Variants in UGT1A8 observed in about 807,000 individuals in gnomAD.
UGT1A8 encodes UDP glucuronosyltransferase family 1 member A8.
A neutral mutation model predicts 45.3 loss-of-function variants in UGT1A8; 39 were observed. The observed-to-expected ratio is 0.86, with a 90% CI of 0.67 to 1.12. The LOEUF (loss-of-function observed/expected upper bound fraction) is 1.12, where lower values mean the gene tolerates loss of function less well. UGT1A8 is among the 50% of genes most tolerant of loss of function. The pLI is 0.00. For synonymous variants in UGT1A8, 275 were observed against 249.2 expected, an observed-to-expected ratio of 1.10 and a Z score of -0.97; for missense variants, 719 against 664.9, an observed-to-expected ratio of 1.08 and a Z score of -0.90.
chr2:233,622,135 G>A (rs1040505161), intron 1 of UGT1A8, among the ~76,000 whole-genome samples: 1 of 152,140 alleles, frequency 6.6e-6, no homozygotes, highest in African/African-American at 2.4e-5. Context: ...TATCATTGAT[G>A]AACATTTCGG....
intron 1 of UGT1A8, chr2:233,692,833 A>T: frequency 6.9e-7 from 1 of 1,445,682 alleles, no homozygotes; most frequent in East Asian, 2.5e-5. Context: ...TGTGATTAAA[A>T]TGGTTAAATA....
intron 1 of UGT1A8, among the ~76,000 whole-genome samples, chr2:233,758,259 G>T (rs1163749283): frequency 6.6e-6 from 1 of 152,184 alleles, no homozygotes; most frequent in Non-Finnish European, 1.5e-5. Context: ...AGATTAGTAA[G>T]TATTTCTTGG....
intron 1 of UGT1A8, among the ~76,000 whole-genome samples, chr2:233,640,588 G>A (rs2073424988): frequency 6.6e-6 from 1 of 152,116 alleles, no homozygotes. Flanking sequence ...GGTCAATTGA[G>A]TAAGTTCCAA....
At chr2:233,620,897 C>T (rs2072992112) in intron 1 of UGT1A8, among the ~76,000 whole-genome samples, 1 of 152,144 alleles carries the variant, frequency 6.6e-6, no homozygotes, top group African/African-American at 2.4e-5. Flanking sequence ...AAACAAGATT[C>T]AGAGTGTGAG....
chr2:233,620,072 T>G (rs897716476), intron 1 of UGT1A8, among the ~76,000 whole-genome samples: 2 of 152,224 alleles, frequency 1.3e-5, no homozygotes, highest in Non-Finnish European at 2.9e-5. Flanking sequence ...TTTTGTCTAT[T>G]GTTCTGGCTT....
intron 1 of UGT1A8, among the ~76,000 whole-genome samples, chr2:233,666,681 A>G (rs1267298689): frequency 3.3e-5 from 5 of 151,666 alleles, no homozygotes; most frequent in African/African-American, 9.7e-5. Flanking sequence ...TAAGTTTTAG[A>G]GTACATGTGC....
chr2:233,729,418 C>A, intron 1 of UGT1A8: 1 of 1,613,756 alleles, frequency 6.2e-7, no homozygotes, highest in Middle Eastern at 1.6e-4. Context: ...GGGCCACACT[C>A]AACTGTACTT....
At chr2:233,747,911 C>A (rs1693810314) in intron 1 of UGT1A8, 1 of 1,613,394 alleles carries the variant, frequency 6.2e-7, no homozygotes, top group Non-Finnish European at 8.5e-7. Flanking sequence ...CTTATGCAAG[C>A]CTTGCCTCTG....
intron 1 of UGT1A8, among the ~76,000 whole-genome samples, chr2:233,639,208 G>A (rs556737900): frequency 1.3e-5 from 2 of 152,166 alleles, no homozygotes; most frequent in South Asian, 4.1e-4. Context: ...TATCTTTTAT[G>A]AGATATGAAA....
chr2:233,741,302 A>G (rs1379292322), intron 1 of UGT1A8, among the ~76,000 whole-genome samples: 1 of 151,744 alleles, frequency 6.6e-6, no homozygotes, highest in Non-Finnish European at 1.5e-5. Context: ...AATTGTGTAG[A>G]TACACACCAA....
chr2:233,731,410 T>C (rs2078155663), intron 1 of UGT1A8, among the ~76,000 whole-genome samples: 1 of 152,132 alleles, frequency 6.6e-6, no homozygotes. Flanking sequence ...ACATTAGGTA[T>C]TTTTCCTAAT....
In UGT1A8 at chr2:233,649,115, G is replaced by A. The variant is rs1349401511; in HGVS notation, c.855+30553G>A. 4.1e-6 allele frequency: 3 copies of A among 736,036 alleles called. No individual in the cohort carries two copies. The African/African-American group carries it at 5.5e-5, about 13-fold the overall frequency. The allele number at this position is 736,036 out of a possible 1,614,324, so 45.6% of individuals were successfully genotyped here. On this transcript the variant is annotated intron_variant, in intron 1 of 4. Transcript: ENST00000373450. ...TACGGAACTGGGATTTGACATTTGT[G>A]TTTGTTGCATCTAAAATTTCTTTTC...
At position 233,665,709 on chromosome 2, in the gene UGT1A8, G is replaced by C. The variant is rs568262282; in HGVS notation, c.855+47147G>C. Among the ~76,000 whole-genome samples, 4 of 152,270 alleles carry C rather than the reference G, an allele frequency of 2.6e-5. No homozygotes were observed. The South Asian group carries it at 8.3e-4, about 32-fold the overall frequency. On this transcript the variant is annotated intron_variant, in intron 1 of 4. Transcript: ENST00000373450. ...AGGTGCACTGCATCCCTACCAGATA[G>C]GGATTTTTAAGATGCAAAAATATAA...
At chr2:233,724,549 A>G (rs2077280351) in intron 1 of UGT1A8, among the ~76,000 whole-genome samples, 1 of 120,476 alleles carries the variant, frequency 8.3e-6, no homozygotes, top group Non-Finnish European at 1.7e-5. Flanking sequence ...GGCGCTCCTC[A>G]CATCCCAGAT....
Position 233,719,317 on chromosome 2 carries a change from C to T in UGT1A8, c.856-47717C>T, listed in dbSNP as rs149079663. 5.0e-5 allele frequency: 81 copies of T among 1,613,916 alleles called. No individual in the cohort carries two copies. In the Admixed American group the frequency reaches 5.2e-4, roughly 10 times the overall value. ...GGGGCGGTGCTGGCTAAGTACCTGT[C>T]GATTCCTGCTGTGTTTTTTTGGAGG... On this transcript the variant is annotated intron_variant, in intron 1 of 4. Transcript: ENST00000373450.
At position 233,693,761 on chromosome 2, in the gene UGT1A8, T is replaced by C; in HGVS notation, c.856-73273T>C. 1.2e-6 allele frequency: 2 copies of C among 1,614,250 alleles called. No homozygotes were observed. The highest frequency in any genetic ancestry group is 1.7e-6 in the Non-Finnish European group (2 of 1,180,042). On this transcript the variant is annotated intron_variant, in intron 1 of 4. Transcript: ENST00000373450. Reference sequence around the variant, plus strand: ...CACCTTATATCAGAAGGTCTCTGTTTGGCTGTTAAGATATGACTTTGTGCT... The same window carrying C: ...CACCTTATATCAGAAGGTCTCTGTTCGGCTGTTAAGATATGACTTTGTGCT...
chr2:233,757,535 A>AATAT (rs67292694), intron 1 of UGT1A8, among the ~76,000 whole-genome samples: 4,411 of 88,266 alleles, frequency 0.05, 328 homozygotes, highest in Non-Finnish European at 0.062. Context: ...GCCTGTAAGG[A>AATAT]ATATATATAT....
At chr2:233,758,809 A>G (rs563319079) in intron 1 of UGT1A8, among the ~76,000 whole-genome samples, 28 of 152,366 alleles carry the variant, frequency 1.8e-4, no homozygotes, top group Non-Finnish European at 3.7e-4. Flanking sequence ...TGTATAGTAC[A>G]GCAGTATATC....
intron 1 of UGT1A8, chr2:233,729,317 A>G: frequency 6.2e-7 from 1 of 1,614,270 alleles, no homozygotes; most frequent in Non-Finnish European, 8.5e-7. Flanking sequence ...CTCACCCCAG[A>G]GGTGAATATG....
Sources: gnomAD v4.1 joint callset for allele counts (sites outside exome capture counted in the v4.1 genomes callset) on GRCh38, gnomAD v4.1.1 for gene constraint, MANE v1.5 for transcripts, NCBI Gene and HGNC (gene_info 2026-07-23, HGNC 2026-07-21) for gene names.